The following B3GALT1 variants were observed in gnomAD, a reference collection of about 807,000 sequenced individuals.
B3GALT1 encodes the protein beta-1,3-galactosyltransferase 1.
In B3GALT1, 10 loss-of-function variants were observed where a neutral mutation model predicts 23.2. The observed-to-expected ratio is 0.43, with a 90% CI of 0.27 to 0.73. The LOEUF (loss-of-function observed/expected upper bound fraction) is 0.73, where lower values mean the gene tolerates loss of function less well. Among genes scored for constraint, B3GALT1 ranks in the 30% least tolerant of loss-of-function variants. B3GALT1 has a pLI of 0.21. For missense variants in B3GALT1, 299 were observed against 405.4 expected, an observed-to-expected ratio of 0.74 and a Z score of 2.25; for synonymous variants, 156 against 141.5, an observed-to-expected ratio of 1.10 and a Z score of -0.73.
At chr2:167,836,217 C>A (rs540492233) in intron 4 of B3GALT1, among the ~76,000 whole-genome samples, 3 of 152,080 alleles carry the variant, frequency 2.0e-5, no homozygotes, top group East Asian at 3.9e-4. Context: ...AGGCTTCAGA[C>A]GATCAAACTA....
intron 3 of B3GALT1, among the ~76,000 whole-genome samples, chr2:167,720,154 G>C (rs1480764457): frequency 6.6e-6 from 1 of 152,112 alleles, no homozygotes; most frequent in Non-Finnish European, 1.5e-5. Context: ...AGATAAAGCA[G>C]GATTGAACAT....
intron 2 of B3GALT1, among the ~76,000 whole-genome samples, chr2:167,636,685 G>A (rs1349385516): frequency 6.6e-6 from 1 of 152,094 alleles, no homozygotes; most frequent in African/African-American, 2.4e-5. Context: ...GTCTTTTGCA[G>A]GGACATGGAT....
rs755265827 is a variant in B3GALT1, at chr2:167,630,156, G to A, written c.-409-16753G>A. ...AATTAGCATCTCTGGGTTGTTGTAA[G>A]GATTAAATGAGATTAGATACACAAA... On this transcript the variant is annotated intron_variant, in intron 2 of 4. Transcript: ENST00000392690. 1.4e-4 allele frequency among the ~76,000 whole-genome samples: 21 copies of A among 151,680 alleles called. No individual in the cohort carries two copies. The South Asian group carries it at 2.3e-3, about 16-fold the overall frequency.
chr2:167,826,552 T>C (rs1689233801), intron 4 of B3GALT1, among the ~76,000 whole-genome samples: 1 of 152,062 alleles, frequency 6.6e-6, no homozygotes, highest in South Asian at 2.1e-4. Context: ...AGACACCCTG[T>C]CAGGAATGGG....
chr2:167,617,445 C>T (rs1050161266), intron 2 of B3GALT1, among the ~76,000 whole-genome samples: 1 of 151,942 alleles, frequency 6.6e-6, no homozygotes, highest in Non-Finnish European at 1.5e-5. Flanking sequence ...AGAGAATTCA[C>T]CCTCATTGTG....
chr2:167,388,613 A>C (rs2105280911), intron 1 of B3GALT1, among the ~76,000 whole-genome samples: 1 of 152,298 alleles, frequency 6.6e-6, no homozygotes, highest in East Asian at 1.9e-4. Flanking sequence ...AAAAAGGAAA[A>C]CAAATTGACC....
At chr2:167,596,189 A>C (rs911851980) in intron 2 of B3GALT1, among the ~76,000 whole-genome samples, 1 of 152,214 alleles carries the variant, frequency 6.6e-6, no homozygotes, top group Non-Finnish European at 1.5e-5. Flanking sequence ...TTTTGAGAGA[A>C]ATAGAATGAG....
At chr2:167,717,311 T>C (rs1687161942) in intron 3 of B3GALT1, among the ~76,000 whole-genome samples, 1 of 151,994 alleles carries the variant, frequency 6.6e-6, no homozygotes, top group Non-Finnish European at 1.5e-5. Context: ...TTTTATACTT[T>C]TAAGTTTTAG....
At chr2:167,714,496 C>T (rs1481740017) in intron 3 of B3GALT1, 74 of 1,608,724 alleles carry the variant, frequency 4.6e-5, no homozygotes, top group Non-Finnish European at 5.5e-5. Context: ...GCTGACCCAA[C>T]GGTGAGGGAC....
intron 3 of B3GALT1, among the ~76,000 whole-genome samples, chr2:167,784,078 A>AT (rs1265050308): frequency 6.6e-6 from 1 of 152,076 alleles, no homozygotes; most frequent in East Asian, 1.9e-4. Context: ...CTAGACTTTT[A>AT]TTTTTTTCAA....
chr2:167,699,378 C>CTTTTTTTTTTTTTTT (rs1285786645), intron 3 of B3GALT1, among the ~76,000 whole-genome samples: 2 of 78,678 alleles, frequency 2.5e-5, no homozygotes, highest in Non-Finnish European at 5.1e-5. Flanking sequence ...GCCATTATTT[C>CTTTTTTTTTTTTTTT]TATTTTTTTT....
chr2:167,327,633 G>GT (rs1696915120), intron 1 of B3GALT1, among the ~76,000 whole-genome samples: 2 of 150,666 alleles, frequency 1.3e-5, no homozygotes, highest in South Asian at 2.1e-4. Flanking sequence ...TGGAGTCTTT[G>GT]TTTTTTTAAA....
At chr2:167,403,121 C>G (rs568247957) in intron 1 of B3GALT1, among the ~76,000 whole-genome samples, 2 of 151,728 alleles carry the variant, frequency 1.3e-5, no homozygotes, top group East Asian at 3.9e-4. Context: ...TTGCTGCCCC[C>G]ATCAACTCAT....
At chr2:167,491,707 C>T (rs988217865) in intron 2 of B3GALT1, among the ~76,000 whole-genome samples, 3 of 151,170 alleles carry the variant, frequency 2.0e-5, no homozygotes, top group Non-Finnish European at 2.9e-5. Context: ...CTCAGCTACT[C>T]GGGAGGCTGA....
intron 1 of B3GALT1, among the ~76,000 whole-genome samples, chr2:167,318,746 G>A (rs1696758269): frequency 6.6e-6 from 1 of 152,112 alleles, no homozygotes; most frequent in Admixed American, 6.5e-5. Flanking sequence ...GATTCCCTGA[G>A]GTGCCTGGGC....
At chr2:167,794,939 A>G (rs1033207673) in intron 3 of B3GALT1, among the ~76,000 whole-genome samples, 3 of 152,206 alleles carry the variant, frequency 2.0e-5, no homozygotes, top group African/African-American at 4.8e-5. Flanking sequence ...TCCTTTTCCC[A>G]TCTTTGAAAT....
chr2:167,600,797 A>G (rs773990405), intron 2 of B3GALT1, among the ~76,000 whole-genome samples: 23 of 152,180 alleles, frequency 1.5e-4, no homozygotes, highest in Non-Finnish European at 2.8e-4. Flanking sequence ...TTCATTCATT[A>G]GTTGAAGGAC....
intron 2 of B3GALT1, among the ~76,000 whole-genome samples, chr2:167,544,873 A>C (rs1683600524): frequency 6.6e-6 from 1 of 152,148 alleles, no homozygotes. Context: ...CGTGGACCGC[A>C]GCGGCGAGTG....
intron 4 of B3GALT1, among the ~76,000 whole-genome samples, chr2:167,831,247 C>T (rs985448326): frequency 6.6e-6 from 1 of 152,154 alleles, no homozygotes; most frequent in Non-Finnish European, 1.5e-5. Context: ...TCAGCGCTCC[C>T]ACAGTTAGTT....
Sources: allele counts gnomAD v4.1 joint callset (sites outside exome capture counted in the v4.1 genomes callset), GRCh38; gene constraint gnomAD v4.1.1; transcripts MANE v1.5; gene names NCBI Gene and HGNC (gene_info 2026-07-23, HGNC 2026-07-21).